BUD31: variants seen among roughly 807,000 people sequenced by gnomAD.
BUD31 encodes BUD31 spliceosome associated protein, also known as protein BUD31 homolog.
BUD31 carries 9 observed loss-of-function variants against 17.9 expected under a neutral mutation model. The ratio of observed to expected loss-of-function variants is 0.50; its 90% CI spans 0.30 to 0.88. The LOEUF (loss-of-function observed/expected upper bound fraction) is 0.88. Ranked by LOEUF, BUD31 falls within the 40% of genes least tolerant of loss-of-function variation. BUD31 has a pLI of 0.06. For synonymous variants in BUD31, 70 were observed against 64.7 expected, an observed-to-expected ratio of 1.08 and a Z score of -0.39; for missense variants, 148 against 184.5, an observed-to-expected ratio of 0.80 and a Z score of 1.15.
intron 4 of BUD31, 22 bp from the exon 5 acceptor site, chr7:99,417,407 T>C: frequency 6.2e-7 from 1 of 1,612,190 alleles, no homozygotes; most frequent in South Asian, 1.1e-5. Context: ...GGCCTGATGC[T>C]CTTTCCCCAT....
At chr7:99,411,766 G>A (rs900406581) in intron 3 of BUD31, 2 of 451,872 alleles carry the variant, frequency 4.4e-6, no homozygotes, top group South Asian at 1.6e-5. Context: ...GTGCAGTGGC[G>A]TGATCTCGGC....
At position 99,410,949 on chromosome 7, in the gene BUD31, G is replaced by A. The variant is rs1259513841; in HGVS notation, c.-29-115G>A. ...GAACACAGTCTGGGTGCTGAGCCCTGTCCCATAGCTGTGACCCTATGCTGA... is the reference window on the plus strand; with the variant it reads ...GAACACAGTCTGGGTGCTGAGCCCTATCCCATAGCTGTGACCCTATGCTGA... On this transcript the variant is annotated intron_variant, in intron 2 of 5. Transcript: ENST00000222969. 1.1e-5 allele frequency: 7 copies of A among 659,372 alleles called. No homozygotes were observed. The Middle Eastern group carries it at 7.7e-4, about 72-fold the overall frequency. The allele number at this position is 659,372 out of a possible 1,614,324, so 40.8% of individuals were successfully genotyped here.
Position 99,419,550 on chromosome 7 carries a change from C to G in BUD31, c.*109C>G, listed in dbSNP as rs1795702733. ...CCCCAGGCCCGAGTTGGAGCACGGT[C>G]TCTATGGGGAAGGCTTCGCTGTCTA... On this transcript the variant is annotated 3_prime_UTR_variant, in exon 6 of 6. Coordinates refer to ENST00000222969, the MANE Select transcript of BUD31 (RefSeq NM_003910.4). 1 of 1,287,994 alleles carries G rather than the reference C, an allele frequency of 7.8e-7. No homozygotes were observed. The highest frequency in any genetic ancestry group is 1.5e-5 in the African/African-American group (1 of 68,170). The allele number at this position is 1,287,994 out of a possible 1,614,324, so 79.8% of individuals were successfully genotyped here.
intron 3 of BUD31, 22 bp from the exon 4 acceptor site, chr7:99,416,114 AAC>A (rs757605012): frequency 6.2e-7 from 1 of 1,611,890 alleles, no homozygotes; most frequent in Non-Finnish European, 8.5e-7. Flanking sequence ...TATTCCCCCA[AAC>A]ACACTCTTTG....
rs779678971 is a variant in BUD31 at position 99,417,564 on chromosome 7, T to A, written c.353T>A (p.Ile118Asn). ...GACACCAACTTCGGGACGAACTGCA[T>A]CTGCCGCGTGCCCAAAAGCAAGCTG... ...TRDTNFGTNC[I>N]CRVPKSKLEV... is the part of the protein sequence containing the mutation. Residue 118 changes from isoleucine (I) to asparagine (N), a missense_variant, in exon 5 of 6, where the codon ATC (isoleucine) becomes AAC (asparagine). Ile to Asn is a moderately radical substitution (Grantham distance 149). Transcript: ENST00000222969. The A allele has an allele frequency of 1.2e-5, 19 of 1,612,844 alleles. No homozygotes were observed. Among genetic ancestry groups the A allele is most frequent in the Non-Finnish European group, 1.6e-5 (19 of 1,179,626 alleles).
chr7:99,411,717 T>G (rs1253248157), intron 3 of BUD31: 2 of 455,920 alleles, frequency 4.4e-6, no homozygotes, highest in Admixed American at 4.7e-5. Context: ...TTTATTTTTA[T>G]TTTTTGAGTT....
At chr7:99,411,032 G>A (rs1408669270) in intron 2 of BUD31, 32 bp from the exon 3 acceptor site, 3 of 1,452,142 alleles carry the variant, frequency 2.1e-6, no homozygotes, top group Non-Finnish European at 2.9e-6. Context: ...GGGGATTTGA[G>A]ACTCAGAAAC....
intron 3 of BUD31, among the ~76,000 whole-genome samples, chr7:99,414,164 G>A (rs1343874632): frequency 5.3e-5 from 8 of 150,892 alleles, no homozygotes; most frequent in Admixed American, 2.6e-4. Context: ...TTTTGAGACG[G>A]AATCTCACAC....
rs1048123879 is a variant in BUD31 at position 99,416,050 on chromosome 7, T to C, written c.95-88T>C. The C allele has an allele frequency of 1.5e-5, 23 of 1,561,826 alleles. No homozygotes were observed. The Middle Eastern group carries it at 2.4e-3, about 163-fold the overall frequency. ...CCATCCTAGTGGGTATAAAGTGGTA[T>C]TTATTCATTATCAGTAGTTACTTAC... On this transcript the variant is annotated intron_variant, in intron 3 of 5. Transcript: ENST00000222969.
chr7:99,415,381 T>C, intron 3 of BUD31: 1 of 413,008 alleles, frequency 2.4e-6, no homozygotes, highest in South Asian at 1.7e-5. Flanking sequence ...AGACTTTTAG[T>C]ACTTTCACTA....
Position 99,419,408 on chromosome 7 carries a change from C to T in BUD31, c.402C>T (p.Cys134=). 4 of 1,613,148 alleles carry T rather than the reference C, an allele frequency of 2.5e-6. No individual in the cohort carries two copies. The highest frequency in any genetic ancestry group is 2.5e-6 in the Non-Finnish European group (3 of 1,180,010). Residue 134 remains cysteine (C), a synonymous_variant, in exon 6 of 6, where the codon TGC becomes TGT. Coordinates refer to ENST00000222969, the MANE Select transcript of BUD31 (RefSeq NM_003910.4). ...CGTTGCAGGGCCGCATCATCGAGTGCACACACTGTGGCTGTCGTGGCTGCT... is the reference window on the plus strand; with the variant it reads ...CGTTGCAGGGCCGCATCATCGAGTGTACACACTGTGGCTGTCGTGGCTGCT... ...SKLEVGRIIE[C]THCGCRGCSG is the part of the protein sequence containing the mutation.
At chr7:99,415,894 G>T (rs1795416761) in intron 3 of BUD31, among the ~76,000 whole-genome samples, 1 of 152,006 alleles carries the variant, frequency 6.6e-6, no homozygotes, top group African/African-American at 2.4e-5. Context: ...AAGGATTAAT[G>T]ATATTCATAT....
chr7:99,414,597 CTT>C (rs976028969), intron 3 of BUD31, among the ~76,000 whole-genome samples: 1 of 151,144 alleles, frequency 6.6e-6, no homozygotes, highest in Non-Finnish European at 1.5e-5. Context: ...ACTTCATTCC[CTT>C]TTTTTTCTTT....
At chr7:99,413,072 A>G (rs1452273470) in intron 3 of BUD31, among the ~76,000 whole-genome samples, 5 of 152,116 alleles carry the variant, frequency 3.3e-5, no homozygotes, top group Non-Finnish European at 5.9e-5. Flanking sequence ...ATCATGGCAG[A>G]GGCCAAGGAG....
intron 4 of BUD31, 104 bp from the exon 5 acceptor site, chr7:99,417,325 T>C: frequency 4.2e-6 from 5 of 1,196,676 alleles, no homozygotes; most frequent in Non-Finnish European, 6.1e-6. Context: ...AGTGCTGGGA[T>C]TACAGGTGTG....
chr7:99,416,221 A>G lies in BUD31; in HGVS notation c.178A>G (p.Ile60Val), dbSNP rs927622137. 6.2e-7 allele frequency: 1 copy of G among 1,614,042 alleles called. No individual in the cohort carries two copies. Among genetic ancestry groups the G allele is most frequent in the Non-Finnish European group, 8.5e-7 (1 of 1,179,932 alleles). ...GATCCACCACCAGAAAACCCGCTAC[A>G]TCTTCGACCTCTTTTACAAGCGGAA... is the stretch of plus-strand genomic sequence containing the variant. ...FRIHHQKTRY[I>V]FDLFYKRKAI... The change falls in exon 4 of 6, where the codon ATC (isoleucine) becomes GTC (valine). Residue 60 changes from isoleucine to valine, a missense_variant. Coordinates refer to ENST00000222969, the MANE Select transcript of BUD31 (RefSeq NM_003910.4).
At chr7:99,414,189 G>C (rs1389156247) in intron 3 of BUD31, among the ~76,000 whole-genome samples, 2 of 151,396 alleles carry the variant, frequency 1.3e-5, no homozygotes, top group African/African-American at 4.9e-5. Context: ...GCCCACGCTG[G>C]AGTGCAGTGG....
At chr7:99,415,514 G>T (rs1348831172) in intron 3 of BUD31, among the ~76,000 whole-genome samples, 2 of 152,136 alleles carry the variant, frequency 1.3e-5, no homozygotes, top group Non-Finnish European at 2.9e-5. Flanking sequence ...GATAACTGCG[G>T]GCGGGCCTGA....
chr7:99,417,305 G>C (rs560045901), intron 4 of BUD31, 124 bp from the exon 5 acceptor site: 2 of 942,296 alleles, frequency 2.1e-6, no homozygotes, highest in African/African-American at 3.3e-5. Context: ...CGCCTGCCTC[G>C]GCCTCCCAAA....
Sources: gnomAD v4.1 joint callset for allele counts (sites outside exome capture counted in the v4.1 genomes callset) on GRCh38, gnomAD v4.1.1 for gene constraint, MANE v1.5 for transcripts, NCBI Gene and HGNC (gene_info 2026-07-23, HGNC 2026-07-21) for gene names.